Variants in LDLRAD3 observed in about 807,000 individuals in gnomAD.
LDLRAD3 encodes the protein low density lipoprotein receptor class A domain containing 3, also known as low-density lipoprotein receptor class A domain-containing protein 3.
In LDLRAD3, 20 loss-of-function variants were observed where a neutral mutation model predicts 29.4. The observed-to-expected ratio is 0.68, with a 90% CI of 0.48 to 0.99. LDLRAD3 has a LOEUF of 0.99. LDLRAD3 is among the 50% of genes least tolerant of loss of function. The pLI is 0.00. For synonymous variants in LDLRAD3, 157 were observed against 192.7 expected (o/e 0.81, Z 1.53); for missense variants, 420 against 454.3 (o/e 0.92, Z 0.69).
chr11:35,957,383 C>T (rs1337604737), intron 1 of LDLRAD3, among the ~76,000 whole-genome samples: 3 of 152,232 alleles, frequency 2.0e-5, no homozygotes, highest in African/African-American at 7.2e-5. Flanking sequence ...CAGCAACATG[C>T]TGCCTCACAG....
intron 4 of LDLRAD3, among the ~76,000 whole-genome samples, chr11:36,216,992 G>A (rs767665971): frequency 1.6e-4 from 25 of 152,172 alleles, no homozygotes; most frequent in Admixed American, 1.0e-3. Flanking sequence ...AAGACTAGTT[G>A]TACCACTTGT....
intron 4 of LDLRAD3, among the ~76,000 whole-genome samples, chr11:36,139,185 A>G (rs765405145): frequency 6.6e-6 from 1 of 152,160 alleles, no homozygotes; most frequent in Non-Finnish European, 1.5e-5. Flanking sequence ...TCTGAGGTCT[A>G]TCCATTAGAT....
chr11:36,016,381 C>T (rs1852022337), intron 1 of LDLRAD3, among the ~76,000 whole-genome samples: 1 of 152,016 alleles, frequency 6.6e-6, no homozygotes, highest in Non-Finnish European at 1.5e-5. Context: ...ATCAAGTACT[C>T]TTATCCCAAA....
intron 2 of LDLRAD3, among the ~76,000 whole-genome samples, chr11:36,047,838 A>G (rs1264591391): frequency 6.6e-6 from 1 of 152,200 alleles, no homozygotes; most frequent in Non-Finnish European, 1.5e-5. Flanking sequence ...CAGCTGGCAC[A>G]GAGGAAGCAC....
At chr11:36,128,969 G>A (rs1853885664) in intron 4 of LDLRAD3, among the ~76,000 whole-genome samples, 2 of 152,188 alleles carry the variant, frequency 1.3e-5, no homozygotes, top group Non-Finnish European at 2.9e-5. Context: ...TAGTCTACAT[G>A]AGGGATGGTG....
intron 2 of LDLRAD3, among the ~76,000 whole-genome samples, chr11:36,053,420 T>C (rs570934901): frequency 6.6e-6 from 1 of 152,308 alleles, no homozygotes; most frequent in Admixed American, 6.5e-5. Flanking sequence ...TGGAGCGCCT[T>C]ACGTGCTAAT....
intron 4 of LDLRAD3, among the ~76,000 whole-genome samples, chr11:36,144,462 G>T (rs11488788): frequency 6.9e-6 from 1 of 145,648 alleles, no homozygotes; most frequent in Non-Finnish European, 1.5e-5. Flanking sequence ...CTGCCCGGCC[G>T]CCATCCCATC....
intron 1 of LDLRAD3, among the ~76,000 whole-genome samples, chr11:36,025,434 T>G (rs372827429): frequency 2.0e-5 from 3 of 150,292 alleles, no homozygotes; most frequent in African/African-American, 4.9e-5. Context: ...TCTCTCCCAG[T>G]CTGGAGTGCA....
intron 4 of LDLRAD3, among the ~76,000 whole-genome samples, chr11:36,114,428 A>G (rs776393930): frequency 6.6e-6 from 1 of 152,188 alleles, no homozygotes; most frequent in African/African-American, 2.4e-5. Flanking sequence ...TTCTTCCTAC[A>G]TGGGCTCATT....
At chr11:36,192,814 C>A (rs1353120622) in intron 4 of LDLRAD3, among the ~76,000 whole-genome samples, 1 of 152,108 alleles carries the variant, frequency 6.6e-6, no homozygotes, top group Non-Finnish European at 1.5e-5. Context: ...ACTTGCTCCC[C>A]GGCCAAACCA....
chr11:36,104,352 G>A (rs1853495686), intron 4 of LDLRAD3, among the ~76,000 whole-genome samples: 1 of 152,166 alleles, frequency 6.6e-6, no homozygotes, highest in Admixed American at 6.5e-5. Context: ...CCAGGGTGTG[G>A]CCACTCCTGG....
chr11:36,096,498 T>C (rs1465799684), intron 3 of LDLRAD3, among the ~76,000 whole-genome samples: 1 of 152,226 alleles, frequency 6.6e-6, no homozygotes, highest in African/African-American at 2.4e-5. Flanking sequence ...CCCCTCTTCA[T>C]CATTACAGAT....
chr11:36,220,869 G>C (rs193007345), intron 4 of LDLRAD3, among the ~76,000 whole-genome samples: 20 of 152,066 alleles, frequency 1.3e-4, no homozygotes, highest in African/African-American at 4.6e-4. Flanking sequence ...ATTTTTAAAG[G>C]GCAAATTTTA....
chr11:36,150,067 T>C (rs1854255690), intron 4 of LDLRAD3, among the ~76,000 whole-genome samples: 1 of 152,144 alleles, frequency 6.6e-6, no homozygotes, highest in Non-Finnish European at 1.5e-5. Flanking sequence ...TCTTGAACTA[T>C]CCACCAGGCT....
intron 4 of LDLRAD3, among the ~76,000 whole-genome samples, chr11:36,157,798 G>A (rs1854376311): frequency 1.3e-5 from 2 of 152,122 alleles, no homozygotes; most frequent in African/African-American, 2.4e-5. Context: ...TGGTGGTTGA[G>A]GAAACATCTT....
intron 4 of LDLRAD3, among the ~76,000 whole-genome samples, chr11:36,212,038 T>C (rs1489015419): frequency 6.6e-6 from 1 of 152,222 alleles, no homozygotes; most frequent in Non-Finnish European, 1.5e-5. Context: ...ACACTACAGG[T>C]AAATAGCTAC....
At chr11:36,216,015 A>G (rs1855347704) in intron 4 of LDLRAD3, among the ~76,000 whole-genome samples, 1 of 152,194 alleles carries the variant, frequency 6.6e-6, no homozygotes, top group African/African-American at 2.4e-5. Context: ...AAGACGCGGC[A>G]GAGTGTCATA....
chr11:35,948,936 C>T (rs1342491875), intron 1 of LDLRAD3, among the ~76,000 whole-genome samples: 1 of 152,200 alleles, frequency 6.6e-6, no homozygotes, highest in African/African-American at 2.4e-5. Context: ...GACATTGCCA[C>T]GTTGCCCCTA....
intron 3 of LDLRAD3, among the ~76,000 whole-genome samples, chr11:36,096,161 C>T (rs1160833249): frequency 6.6e-6 from 1 of 152,182 alleles, no homozygotes; most frequent in Non-Finnish European, 1.5e-5. Flanking sequence ...ATTTCCCCAC[C>T]TCTCTGACCT....
Sources: gnomAD v4.1 joint callset for allele counts (sites outside exome capture counted in the v4.1 genomes callset) on GRCh38, gnomAD v4.1.1 for gene constraint, MANE v1.5 for transcripts, NCBI Gene and HGNC (gene_info 2026-07-23, HGNC 2026-07-21) for gene names.